The following ADAMTS19 variants were observed in gnomAD, a reference collection of about 807,000 sequenced individuals.
ADAMTS19 encodes ADAM metallopeptidase with thrombospondin type 1 motif 19.
Under a neutral mutation model 153.3 loss-of-function variants are expected in ADAMTS19, and 93 were observed. The ratio of observed to expected loss-of-function variants is 0.61; its 90% CI spans 0.51 to 0.72. ADAMTS19 has a LOEUF of 0.72. ADAMTS19 is among the 30% of genes least tolerant of loss of function. The probability of loss-of-function intolerance (pLI) is 0.00; values close to 1 mark genes in which losing one functional copy is unlikely to be tolerated. For synonymous variants in ADAMTS19, 600 were observed against 556.6 expected (o/e 1.08, Z -1.10); for missense variants, 1,482 against 1,552.1 (o/e 0.95, Z 0.76).
At chr5:129,532,239 T>C (rs1254488844) in intron 6 of ADAMTS19, among the ~76,000 whole-genome samples, 1 of 152,176 alleles carries the variant, frequency 6.6e-6, no homozygotes, top group Non-Finnish European at 1.5e-5. Context: ...GTCATGCATA[T>C]ACTAACAAAG....
intron 21 of ADAMTS19, among the ~76,000 whole-genome samples, chr5:129,715,135 C>T (rs1057069626): frequency 2.6e-5 from 4 of 152,068 alleles, no homozygotes; most frequent in Non-Finnish European, 4.4e-5. Flanking sequence ...GTACAAAGAA[C>T]ATTTTATTTG....
At chr5:129,568,302 T>G (rs1753781561) in intron 7 of ADAMTS19, among the ~76,000 whole-genome samples, 1 of 152,114 alleles carries the variant, frequency 6.6e-6, no homozygotes, top group East Asian at 1.9e-4. Flanking sequence ...ATTGTAACAT[T>G]GTCTGTTGGA....
intron 7 of ADAMTS19, among the ~76,000 whole-genome samples, chr5:129,559,479 T>C (rs529712647): frequency 1.3e-5 from 2 of 152,206 alleles, no homozygotes; most frequent in Non-Finnish European, 2.9e-5. Flanking sequence ...ACCAGTGGGA[T>C]TGATGAAATT....
At chr5:129,469,776 G>C (rs1373860509) in intron 2 of ADAMTS19, among the ~76,000 whole-genome samples, 12 of 152,106 alleles carry the variant, frequency 7.9e-5, no homozygotes, top group Admixed American at 7.9e-4. Context: ...GTTCATCACA[G>C]TTATTCGATT....
At chr5:129,527,935 T>C (rs1752073796) in intron 5 of ADAMTS19, 104 bp downstream of exon 5, 3 of 684,426 alleles carry the variant, frequency 4.4e-6, no homozygotes, top group East Asian at 2.8e-5. Flanking sequence ...AATCCAGAAA[T>C]ATCCACTGAA....
chr5:129,736,107 CTAAT>C (rs1219456257), intron 22 of ADAMTS19, among the ~76,000 whole-genome samples: 1 of 151,920 alleles, frequency 6.6e-6, no homozygotes, highest in East Asian at 1.9e-4. Context: ...GTGAATAACA[CTAAT>C]TAAGACAAAA....
intron 4 of ADAMTS19, among the ~76,000 whole-genome samples, chr5:129,526,996 T>A (rs1234015718): frequency 6.6e-6 from 1 of 151,926 alleles, no homozygotes; most frequent in Non-Finnish European, 1.5e-5. Flanking sequence ...CACTGACCTA[T>A]TATATACGTA....
chr5:129,541,643 G>A (rs555135458), intron 6 of ADAMTS19, among the ~76,000 whole-genome samples: 25 of 152,036 alleles, frequency 1.6e-4, no homozygotes, highest in African/African-American at 5.8e-4. Flanking sequence ...CCCTTACCAC[G>A]TTACAGAGGT....
chr5:129,647,545 C>A (rs1753120606), intron 11 of ADAMTS19, among the ~76,000 whole-genome samples: 1 of 152,262 alleles, frequency 6.6e-6, no homozygotes, highest in South Asian at 2.1e-4. Context: ...TAACAAATAT[C>A]TGCGCACTGC....
intron 10 of ADAMTS19, among the ~76,000 whole-genome samples, chr5:129,623,323 TC>T (rs1448614009): frequency 2.5e-4 from 38 of 152,236 alleles, no homozygotes; most frequent in African/African-American, 8.4e-4. Context: ...CCTTTTTTTT[TC>T]TTTCCTGCTG....
chr5:129,720,392 A>G (rs1307676869), intron 21 of ADAMTS19, among the ~76,000 whole-genome samples: 1 of 151,678 alleles, frequency 6.6e-6, no homozygotes, highest in East Asian at 1.9e-4. Flanking sequence ...TCTGGTCTCA[A>G]ACTCTTGACC....
At chr5:129,685,104 T>C (rs1755020487) in intron 18 of ADAMTS19, among the ~76,000 whole-genome samples, 1 of 152,156 alleles carries the variant, frequency 6.6e-6, no homozygotes. Context: ...CAGTTAGGTA[T>C]ATAAGTCTGG....
In ADAMTS19 at chr5:129,515,196, G is replaced by A. The variant is rs186558147; in HGVS notation, c.913+5954G>A. Among the ~76,000 whole-genome samples the A allele has an allele frequency of 1.2e-4, 18 of 152,080 alleles. 1 individual carries two copies. The East Asian group carries it at 3.5e-3, about 29-fold the overall frequency. On this transcript the variant is annotated intron_variant, in intron 3 of 22. Transcript: ENST00000274487. The stretch of plus-strand genomic sequence containing the variant: ...ATGCTGTTTTGGTTACTGTAGCTCT[G>A]TAGTACAATTTGAAGTCAGGTAATT...
chr5:129,526,783 T>G (rs932737229), intron 4 of ADAMTS19, among the ~76,000 whole-genome samples: 1 of 151,678 alleles, frequency 6.6e-6, no homozygotes, highest in Non-Finnish European at 1.5e-5. Context: ...TATGTCTGTC[T>G]GTATGTATGC....
chr5:129,698,503 A>G (rs1755672632), intron 19 of ADAMTS19, among the ~76,000 whole-genome samples: 1 of 152,208 alleles, frequency 6.6e-6, no homozygotes, highest in Non-Finnish European at 1.5e-5. Flanking sequence ...CTTAAAGATA[A>G]GGAAATGGGA....
intron 21 of ADAMTS19, among the ~76,000 whole-genome samples, chr5:129,708,253 T>C (rs542381193): frequency 1.3e-5 from 2 of 152,292 alleles, no homozygotes; most frequent in East Asian, 1.9e-4. Context: ...AGGATTACAA[T>C]GATGGCAAAA....
At chr5:129,578,163 C>T (rs1265373279) in intron 7 of ADAMTS19, among the ~76,000 whole-genome samples, 2 of 79,406 alleles carry the variant, frequency 2.5e-5, no homozygotes, top group African/African-American at 8.5e-5. Context: ...TGTACGTATA[C>T]GTACATATAC....
rs1753189654 is a variant in ADAMTS19, at chr5:129,648,885, A to T, written c.2091A>T (p.Gly697=). Residue 697 remains glycine (G), a synonymous_variant, in exon 13 of 23, where the codon GGA becomes GGT. Transcript: ENST00000274487. ...ENPPCPAGLP[G]FRDWQCQAYS... The stretch of plus-strand genomic sequence containing the variant: ...CACCTTGTCCTGCAGGTTTGCCTGG[A>T]TTCAGAGACTGGCAATGTCAGGCTT... 3 of 1,613,888 alleles carry T rather than the reference A, an allele frequency of 1.9e-6. No individual in the cohort carries two copies. The East Asian group carries it at 6.7e-5, about 36-fold the overall frequency.
At chr5:129,470,930 T>C (rs1213775707) in intron 2 of ADAMTS19, among the ~76,000 whole-genome samples, 1 of 152,170 alleles carries the variant, frequency 6.6e-6, no homozygotes, top group Non-Finnish European at 1.5e-5. Context: ...CCTCAACTCT[T>C]TTTGTAGTCT....
Sources: allele counts gnomAD v4.1 joint callset (sites outside exome capture counted in the v4.1 genomes callset), GRCh38; gene constraint gnomAD v4.1.1; transcripts MANE v1.5; gene names NCBI Gene and HGNC (gene_info 2026-07-23, HGNC 2026-07-21).